NDUFA10: variants seen among roughly 807,000 people sequenced by gnomAD.
NDUFA10 encodes the protein NADH dehydrogenase [ubiquinone] 1 alpha subcomplex subunit 10, mitochondrial.
NDUFA10 carries 40 observed loss-of-function variants against 47.8 expected under a neutral mutation model. The ratio of observed to expected loss-of-function variants is 0.84; its 90% CI spans 0.65 to 1.09. NDUFA10 has a LOEUF of 1.09. NDUFA10 is among the 50% of genes least tolerant of loss of function. NDUFA10 has a pLI of 0.00. For missense variants in NDUFA10, 413 were observed against 451.1 expected, an observed-to-expected ratio of 0.92 and a Z score of 0.76; for synonymous variants, 183 against 172.2, an observed-to-expected ratio of 1.06 and a Z score of -0.49.
chr2:239,971,264 ACCT>A (rs1362864654), intron 9 of NDUFA10, among the ~76,000 whole-genome samples: 3 of 152,056 alleles, frequency 2.0e-5, no homozygotes, highest in Non-Finnish European at 4.4e-5. Flanking sequence ...CTGAACAAGC[ACCT>A]CCCCGCCCAG....
rs1175073023 is a variant in NDUFA10 at position 239,987,164 on chromosome 2, G to GT, written c.999+2909dup. On this transcript the variant is annotated intron_variant, in intron 9 of 9. Coordinates refer to ENST00000252711, the MANE Select transcript of NDUFA10 (RefSeq NM_004544.4). The surrounding 1 kb of genome is among the most constrained non-coding windows in gnomAD (Gnocchi z 4.8). ...AAGAGGGCCTATGGATTGGACAGCA[G>GT]TAACGTGTGATGCTCATGAAGAGGG... Among the ~76,000 whole-genome samples, 3 of 152,204 alleles carry GT rather than the reference G, an allele frequency of 2.0e-5. No homozygotes were observed. The highest frequency in any genetic ancestry group is 2.9e-5 in the Non-Finnish European group (2 of 68,038).
intron 4 of NDUFA10, among the ~76,000 whole-genome samples, chr2:239,912,118 T>C (rs1693765817): frequency 6.6e-6 from 1 of 152,118 alleles, no homozygotes; most frequent in African/African-American, 2.4e-5. Context: ...CCAAAGCCAA[T>C]ACTCCTGTAG....
chr2:239,949,512 TTG>T (rs757941873), intron 4 of NDUFA10, among the ~76,000 whole-genome samples: 6 of 152,122 alleles, frequency 3.9e-5, no homozygotes, highest in South Asian at 4.1e-4. Flanking sequence ...TGCCTGTTTT[TTG>T]TTTTTTGCTT....
In NDUFA10 at chr2:239,960,714, C is replaced by T. The variant is rs935812059; in HGVS notation, c.*404G>A. On this transcript the variant is annotated 3_prime_UTR_variant, in exon 10 of 10. Transcript: ENST00000252711. ...CGTGTGCAGTTTCGACGTGCCCGCA[C>T]GCACATAGACGTACGATGGGGAAAT... 27 of 1,170,352 alleles carry T rather than the reference C, an allele frequency of 2.3e-5. No homozygotes were observed. Among genetic ancestry groups the T allele is most frequent in the Non-Finnish European group, 2.7e-5 (25 of 933,222 alleles). 72.5% of individuals were successfully genotyped at this position (1,170,352 alleles called of 1,614,324 possible).
intron 2 of NDUFA10, among the ~76,000 whole-genome samples, 190 bp downstream of exon 2, chr2:240,021,982 T>C (rs138514248): frequency 1.3e-5 from 2 of 152,164 alleles, no homozygotes; most frequent in Non-Finnish European, 2.9e-5. Flanking sequence ...ACATAAAAGA[T>C]TAAAAACAGC....
intron 4 of NDUFA10, among the ~76,000 whole-genome samples, chr2:239,902,574 T>A (rs6735378): frequency 0.71 from 108,781 of 152,146 alleles, 39,132 homozygotes; most frequent in East Asian, 0.93. Flanking sequence ...TTTGTTGCAG[T>A]GGTCTGGAAC....
intron 7 of NDUFA10, among the ~76,000 whole-genome samples, chr2:240,005,637 G>A (rs898025779): frequency 1.3e-5 from 2 of 152,210 alleles, no homozygotes; most frequent in Non-Finnish European, 2.9e-5. Flanking sequence ...GATTATAGAC[G>A]TGAGCCACCA....
At chr2:239,899,632 C>G (rs67561953) in intron 4 of NDUFA10, among the ~76,000 whole-genome samples, 20,302 of 151,966 alleles carry the variant, frequency 0.13, 1,448 homozygotes, top group South Asian at 0.19. Context: ...TCAACAAAGT[C>G]AGTTAGTAAG....
At chr2:239,927,775 T>G (rs1442421604) in intron 4 of NDUFA10, among the ~76,000 whole-genome samples, 3 of 152,056 alleles carry the variant, frequency 2.0e-5, no homozygotes, top group Admixed American at 6.6e-5. Context: ...CTGAGGGAGA[T>G]TCACACGATG....
At chr2:239,907,768 G>A (rs1403330563) in intron 4 of NDUFA10, among the ~76,000 whole-genome samples, 1 of 152,190 alleles carries the variant, frequency 6.6e-6, no homozygotes, top group Non-Finnish European at 1.5e-5. Flanking sequence ...AGAGGATGTG[G>A]AGAAATAGGA....
intron 9 of NDUFA10, among the ~76,000 whole-genome samples, chr2:239,963,184 T>A (rs181869779): frequency 6.6e-6 from 1 of 152,172 alleles, no homozygotes; most frequent in African/African-American, 2.4e-5. Flanking sequence ...CTTCAGGAGT[T>A]TGAAATCTGA....
intron 4 of NDUFA10, among the ~76,000 whole-genome samples, chr2:239,911,355 G>A (rs945761956): frequency 7.9e-5 from 12 of 151,730 alleles, no homozygotes; most frequent in African/African-American, 2.9e-4. Flanking sequence ...CCCTTCCTCT[G>A]TGTAGAATGA....
downstream of NDUFA10, among the ~76,000 whole-genome samples, chr2:239,955,290 A>C (rs1223559854): frequency 6.6e-6 from 1 of 152,118 alleles, no homozygotes; most frequent in African/African-American, 2.4e-5. Flanking sequence ...GGGTGGAGAG[A>C]CCATGAAAAT....
intron 4 of NDUFA10, among the ~76,000 whole-genome samples, chr2:239,927,503 T>C (rs917421698): frequency 2.0e-5 from 3 of 152,164 alleles, no homozygotes; most frequent in Non-Finnish European, 4.4e-5. Flanking sequence ...ACTGGCTGAC[T>C]CACCGACCTA....
rs1697161747 is a variant in NDUFA10 at position 240,011,964 on chromosome 2, G to A, written c.670-268C>T. The A allele has an allele frequency of 2.0e-5, 9 of 458,600 alleles. No homozygotes were observed. In the East Asian group the frequency reaches 3.9e-4, roughly 20 times the overall value. The allele number at this position is 458,600 out of a possible 1,614,324, so 28.4% of individuals were successfully genotyped here. A position where few individuals can be genotyped will look rare whatever the true frequency, so the allele number is the denominator to read the frequency against. On this transcript the variant is annotated intron_variant, in intron 5 of 9. Transcript: ENST00000252711. ...TAAGATGTATACTTAGGGCAAGAAA[G>A]ATGCCTGTTACGAAGCAGCACTGCC...
intron 5 of NDUFA10, among the ~76,000 whole-genome samples, chr2:239,893,187 A>T (rs1693325570): frequency 6.6e-6 from 1 of 152,224 alleles, no homozygotes; most frequent in Non-Finnish European, 1.5e-5. Context: ...GGGTGGGCTG[A>T]TGCGGCTCAA....
At chr2:240,020,705 T>G (rs897631634) in intron 3 of NDUFA10, among the ~76,000 whole-genome samples, 1 of 152,182 alleles carries the variant, frequency 6.6e-6, no homozygotes, top group African/African-American at 2.4e-5. Flanking sequence ...GGACCCTGTG[T>G]GTTCTGCCTC....
intron 9 of NDUFA10, among the ~76,000 whole-genome samples, chr2:239,980,840 G>T (rs181423432): frequency 9.0e-4 from 137 of 152,308 alleles, no homozygotes; most frequent in Middle Eastern, 3.4e-3. Context: ...TGGTGTCCCT[G>T]TGAGGTGACT....
At chr2:239,920,633 C>A (rs1167549836) in intron 4 of NDUFA10, among the ~76,000 whole-genome samples, 1 of 152,218 alleles carries the variant, frequency 6.6e-6, no homozygotes, top group East Asian at 1.9e-4. Flanking sequence ...GCCCAACATC[C>A]AACTGCTCCA....
Sources: allele counts gnomAD v4.1 joint callset (sites outside exome capture counted in the v4.1 genomes callset), GRCh38; gene constraint gnomAD v4.1.1; non-coding constraint Gnocchi (gnomAD v3.1); transcripts MANE v1.5; gene names NCBI Gene and HGNC (gene_info 2026-07-23, HGNC 2026-07-21).